The following ANKS3 variants were observed in gnomAD, a reference collection of about 807,000 sequenced individuals.
ANKS3 encodes ankyrin repeat and sterile alpha motif domain containing 3.
In ANKS3, 62 loss-of-function variants were observed where a neutral mutation model predicts 80.7. That is an observed-to-expected ratio of 0.77 (90% confidence interval 0.63 to 0.95). The LOEUF (loss-of-function observed/expected upper bound fraction) is 0.95. Ranked by LOEUF, ANKS3 falls within the 40% of genes least tolerant of loss-of-function variation. The probability of loss-of-function intolerance (pLI) is 0.00; values close to 1 mark genes in which losing one functional copy is unlikely to be tolerated. For synonymous variants in ANKS3, 489 were observed against 355.3 expected (o/e 1.38, Z -4.23); for missense variants, 1,150 against 883.6 (o/e 1.30, Z -3.82).
At chr16:4,698,307 G>A (rs1361504986) in intron 14 of ANKS3, 120 bp downstream of exon 14, 2 of 1,349,994 alleles carry the variant, frequency 1.5e-6, no homozygotes, top group East Asian at 2.6e-5. Context: ...GGGTGGGGTG[G>A]CTCCAGACCC....
rs2081549015 is a variant in ANKS3 at position 4,730,216 on chromosome 16, G to C, written c.-2-65C>G. 17 of 1,389,342 alleles carry C rather than the reference G, an allele frequency of 1.2e-5. No homozygotes were observed. In the Middle Eastern group the frequency reaches 7.7e-4, roughly 63 times the overall value. The allele number at this position is 1,389,342 out of a possible 1,614,324, so 86.1% of individuals were successfully genotyped here. A position where few individuals can be genotyped will look rare whatever the true frequency, so the allele number is the denominator to read the frequency against. Reference sequence around the variant, plus strand: ...GTTGTTCCAGGGCATGAAACAGGCTGGTCCTGCCCCTGCTACACCACTGCA... The same window carrying C: ...GTTGTTCCAGGGCATGAAACAGGCTCGTCCTGCCCCTGCTACACCACTGCA... On this transcript the variant is annotated intron_variant, in intron 2 of 17. Coordinates refer to ENST00000304283, the MANE Select transcript of ANKS3 (RefSeq NM_133450.4).
chr16:4,707,285 T>C (rs564238287), intron 7 of ANKS3, among the ~76,000 whole-genome samples: 1 of 151,344 alleles, frequency 6.6e-6, no homozygotes, highest in Admixed American at 6.6e-5. Context: ...AGGACACTTT[T>C]TTTTTTTTTT....
chr16:4,723,381 G>A (rs2081199253), intron 6 of ANKS3, among the ~76,000 whole-genome samples: 1 of 152,198 alleles, frequency 6.6e-6, no homozygotes, highest in South Asian at 2.1e-4. Context: ...CACCTAGTGT[G>A]TGGCCTGTTG....
At chr16:4,712,386 A>G (rs896024272) in intron 7 of ANKS3, among the ~76,000 whole-genome samples, 3 of 151,464 alleles carry the variant, frequency 2.0e-5, no homozygotes, top group Non-Finnish European at 4.4e-5. Flanking sequence ...TTTCAAAAAC[A>G]AAAAAAAAGA....
chr16:4,733,725 A>G (rs183507308), intron 1 of ANKS3, among the ~76,000 whole-genome samples: 257 of 152,304 alleles, frequency 1.7e-3, no homozygotes, highest in African/African-American at 5.9e-3. Context: ...AAAATCTCTC[A>G]TATACGCCAT....
intron 3 of ANKS3, chr16:4,728,085 G>C (rs1391771870): frequency 6.6e-6 from 1 of 152,080 alleles, no homozygotes; most frequent in Admixed American, 6.5e-5. Context: ...TCGCTCTGTC[G>C]CCCAGGCTGG....
intron 8 of ANKS3, among the ~76,000 whole-genome samples, chr16:4,704,056 T>G (rs1390646126): frequency 2.0e-5 from 3 of 152,194 alleles, no homozygotes; most frequent in Non-Finnish European, 4.4e-5. Context: ...CCAGAGCCAG[T>G]GCTCACAGCT....
chr16:4,698,230 G>C, intron 14 of ANKS3, 168 bp from the exon 15 acceptor site: 1 of 1,104,336 alleles, frequency 9.1e-7, no homozygotes, highest in Non-Finnish European at 1.3e-6. Flanking sequence ...GAGGGCGACC[G>C]GTGCAGATTC....
At chr16:4,715,504 G>A (rs113031851) in intron 6 of ANKS3, among the ~76,000 whole-genome samples, 1 of 152,180 alleles carries the variant, frequency 6.6e-6, no homozygotes, top group Non-Finnish European at 1.5e-5. Context: ...GCTGAGGCAG[G>A]AGGATCACTT....
chr16:4,728,487 T>C (rs1216835825), intron 3 of ANKS3, among the ~76,000 whole-genome samples: 1 of 152,128 alleles, frequency 6.6e-6, no homozygotes, highest in Admixed American at 6.6e-5. Flanking sequence ...GGGGGCTGCA[T>C]GGAGATGCCT....
At chr16:4,730,357 A>T in intron 2 of ANKS3, 2 of 412,318 alleles carry the variant, frequency 4.9e-6, no homozygotes, top group Non-Finnish European at 8.4e-6. Flanking sequence ...TGAGCCTGCT[A>T]TCACACCAGT....
At chr16:4,711,199 G>A (rs1421806726) in intron 7 of ANKS3, among the ~76,000 whole-genome samples, 1 of 150,218 alleles carries the variant, frequency 6.7e-6, no homozygotes, top group Non-Finnish European at 1.5e-5. Context: ...TGCCTCCCGG[G>A]TTCAAGGGAT....
intron 3 of ANKS3, chr16:4,727,450 G>A: frequency 1.9e-6 from 1 of 528,796 alleles, no homozygotes; most frequent in Non-Finnish European, 3.4e-6. Context: ...CCACCAGATA[G>A]GCAGATGGCA....
rs1014820912 is a variant in ANKS3, at chr16:4,696,924, G to C, written c.*12-28C>G. On this transcript the variant is annotated intron_variant, in intron 17 of 17. Transcript: ENST00000304283. ...GAAAGAAAAAGCCCCGGTGAGAAGG[G>C]AGGGGGACAGGTGGGTGCATACCCA... 3.5e-6 allele frequency: 4 copies of C among 1,154,938 alleles called. No individual in the cohort carries two copies. In the East Asian group the frequency reaches 1.0e-4, roughly 29 times the overall value. 71.5% of individuals were successfully genotyped at this position (1,154,938 alleles called of 1,614,324 possible). A position where few individuals can be genotyped will look rare whatever the true frequency, so the allele number is the denominator to read the frequency against.
intron 7 of ANKS3, 59 bp downstream of exon 7, chr16:4,713,992 C>T: frequency 6.3e-7 from 1 of 1,584,026 alleles, no homozygotes; most frequent in Non-Finnish European, 8.6e-7. Context: ...TCTGCCAGGT[C>T]ACCTAAAGCT....
rs764729420 is a variant in ANKS3 at position 4,727,104 on chromosome 16, C to T, written c.244G>A (p.Asp82Asn). 3.0e-5 allele frequency: 49 copies of T among 1,614,090 alleles called. No individual in the cohort carries two copies. In the Admixed American group the frequency reaches 4.2e-4, roughly 14 times the overall value. ...TCAAGCAGCAGGTGCACGATTGTGT[C>T]GTGGCCAATGTAGGAGGCATACATC... ...PLMYASYIGHDTIVHLLLEAG... is the reference protein window; with the variant it reads ...PLMYASYIGHNTIVHLLLEAG... The change falls in exon 4 of 18, where the codon GAC (aspartate) becomes AAC (asparagine). Residue 82 changes from aspartate (D) to asparagine (N), a missense_variant. Physicochemically the swap from Asp to Asn is conservative, Grantham distance 23 (BLOSUM62 1). Coordinates refer to ENST00000304283, the MANE Select transcript of ANKS3 (RefSeq NM_133450.4).
At chr16:4,714,375 CTT>C (rs1403987837) in intron 6 of ANKS3, 189 bp from the exon 7 acceptor site, 3 of 786,352 alleles carry the variant, frequency 3.8e-6, no homozygotes, top group Non-Finnish European at 5.9e-6. Flanking sequence ...CTCTCACTCT[CTT>C]CTTAGGGACA....
In ANKS3 at chr16:4,699,453, G is replaced by C. The variant is rs1011507129; in HGVS notation, c.1285-277C>G. 4 of 474,360 alleles carry C rather than the reference G, an allele frequency of 8.4e-6. No individual in the cohort carries two copies. The Admixed American group carries it at 1.3e-4, about 16-fold the overall frequency. 29.4% of individuals were successfully genotyped at this position (474,360 alleles called of 1,614,324 possible). Reference sequence around the variant, plus strand: ...CCACACATGCTCAGTTCTGTGAAGGGACCATGGAGCTGCTGATCTCGACAA... The same window carrying C: ...CCACACATGCTCAGTTCTGTGAAGGCACCATGGAGCTGCTGATCTCGACAA... On this transcript the variant is annotated intron_variant, in intron 11 of 17. Transcript: ENST00000304283.
chr16:4,718,295 G>C (rs1408590473), intron 6 of ANKS3, among the ~76,000 whole-genome samples: 3 of 152,098 alleles, frequency 2.0e-5, no homozygotes, highest in African/African-American at 7.2e-5. Context: ...TTACTAAAGA[G>C]ACACATGATC....
Sources: allele counts gnomAD v4.1 joint callset (sites outside exome capture counted in the v4.1 genomes callset), GRCh38; gene constraint gnomAD v4.1.1; transcripts MANE v1.5; gene names NCBI Gene and HGNC (gene_info 2026-07-23, HGNC 2026-07-21).